The following TRPC4AP variants were observed in gnomAD, a reference collection of about 807,000 sequenced individuals.
The protein encoded by TRPC4AP is transient receptor potential cation channel subfamily C member 4 associated protein, also known as short transient receptor potential channel 4-associated protein.
Under a neutral mutation model 99.0 loss-of-function variants are expected in TRPC4AP, and 45 were observed. The observed-to-expected ratio is 0.45, with a 90% CI of 0.36 to 0.58. The LOEUF (loss-of-function observed/expected upper bound fraction) is 0.58. Among genes scored for constraint, TRPC4AP ranks in the 20% least tolerant of loss-of-function variants. TRPC4AP has a pLI of 0.00. For synonymous variants in TRPC4AP, 408 were observed against 385.8 expected, an observed-to-expected ratio of 1.06 and a Z score of -0.67; for missense variants, 879 against 985.3, an observed-to-expected ratio of 0.89 and a Z score of 1.44.
intron 12 of TRPC4AP, among the ~76,000 whole-genome samples, chr20:35,009,040 T>G (rs565817200): frequency 6.6e-6 from 1 of 152,270 alleles, no homozygotes; most frequent in African/African-American, 2.4e-5. Flanking sequence ...ACCAAAAGTG[T>G]GTTGAAACAG....
chr20:35,086,523 ATATGTGTGTGTGTGTGTGTGTG>A lies in TRPC4AP; in HGVS notation c.168+6069_168+6090del, dbSNP rs1162041189. 8.6e-3 allele frequency among the ~76,000 whole-genome samples: 851 copies of A among 99,104 alleles called. 66 individuals are homozygous for A. The highest frequency in any genetic ancestry group is 0.028 in the African/African-American group (688 of 24,876). The allele number at this position is 99,104 out of a possible 152,430, so 65.0% of individuals were successfully genotyped here. ...TGTATATATATGTGTGTGTGTGTAT[ATATGTGTGTGTGTGTGTGTGTG>A]TGTGTGTGTGTGTGTGTGTGTGTGT... is the stretch of plus-strand genomic sequence containing the variant. On this transcript the variant is annotated intron_variant, in intron 1 of 18. Transcript: ENST00000252015.
chr20:35,024,854 A>ACAT (rs1555904987), intron 8 of TRPC4AP, among the ~76,000 whole-genome samples: 8,860 of 89,550 alleles, frequency 0.099, 1,171 homozygotes, highest in South Asian at 0.13. Flanking sequence ...AAAAAAAAAA[A>ACAT]ATTCTGTTTA....
intron 9 of TRPC4AP, among the ~76,000 whole-genome samples, chr20:35,017,808 C>T (rs1052552719): frequency 6.6e-6 from 1 of 152,202 alleles, no homozygotes; most frequent in South Asian, 2.1e-4. Flanking sequence ...ATTTTTGCCA[C>T]TGAAAGTAAT....
In TRPC4AP at chr20:35,004,556, A is replaced by G; in HGVS notation, c.1951T>C (p.Ser651Pro). The change falls in exon 17 of 19, where the codon TCT becomes CCT. Residue 651 changes from serine (S) to proline (P), a missense_variant. Around this residue, in one of 3 missense-constraint regions of TRPC4AP, gnomAD observed 224 missense variants for 264.7 expected, o/e 0.85. Transcript: ENST00000252015. ...QVDMKVAEVLSECRLLAYISQ... is the reference protein window; with the variant it reads ...QVDMKVAEVLPECRLLAYISQ... ...ATGTAGGCGAGCAGGCGGCATTCAG[A>G]CAGTACCTCGGCAACTGTGGAGGGA... The G allele has an allele frequency of 6.2e-7, 1 of 1,613,890 alleles. No individual in the cohort carries two copies.
In TRPC4AP at chr20:35,006,552, G is replaced by C; in HGVS notation, c.1710C>G (p.Asp570Glu). The C allele has an allele frequency of 1.2e-6, 2 of 1,614,196 alleles. No homozygotes were observed. The highest frequency in any genetic ancestry group is 1.1e-5 in the South Asian group (1 of 91,080). Residue 570 changes from aspartate (D) to glutamate (E), a missense_variant, in exon 15 of 19, where the codon GAC (aspartate) becomes GAG (glutamate). Asp to Glu is a conservative substitution (Grantham distance 45). This residue lies in a region of TRPC4AP where 52 missense variants were observed against 88.7 expected (regional missense o/e 0.59). Coordinates refer to ENST00000252015, the MANE Select transcript of TRPC4AP (RefSeq NM_015638.3). Reference protein sequence around the residue: ...LLEHILYCIVDSECKSRDVLQ... With the variant: ...LLEHILYCIVESECKSRDVLQ... Reference sequence around the variant, plus strand: ...GCACATCCCTTGACTTACACTCGCTGTCCACAATGCAGTAAAGGATGTGCT... The same window carrying C: ...GCACATCCCTTGACTTACACTCGCTCTCCACAATGCAGTAAAGGATGTGCT...
intron 8 of TRPC4AP, among the ~76,000 whole-genome samples, chr20:35,028,612 G>T (rs2083088366): frequency 6.6e-6 from 1 of 152,134 alleles, no homozygotes; most frequent in Admixed American, 6.5e-5. Flanking sequence ...CCTGGAGAAT[G>T]TTCATGTGCA....
chr20:35,009,021 G>A (rs2082574370), intron 12 of TRPC4AP, among the ~76,000 whole-genome samples: 1 of 152,208 alleles, frequency 6.6e-6, no homozygotes, highest in African/African-American at 2.4e-5. Context: ...CCAGAGGAGA[G>A]CTGTTTATAC....
At chr20:35,091,555 G>A (rs2085067005) in intron 1 of TRPC4AP, among the ~76,000 whole-genome samples, 1 of 151,864 alleles carries the variant, frequency 6.6e-6, no homozygotes, top group African/African-American at 2.4e-5. Context: ...AGTTTCTTGA[G>A]TATCCTTCAA....
chr20:35,036,512 T>A (rs2083322130), intron 7 of TRPC4AP, among the ~76,000 whole-genome samples: 1 of 152,250 alleles, frequency 6.6e-6, no homozygotes, highest in African/African-American at 2.4e-5. Flanking sequence ...TAATTTTTGA[T>A]ACAGTGGCAG....
chr20:35,006,706 T>G (rs2082525661), intron 14 of TRPC4AP, 131 bp from the exon 15 acceptor site: 1 of 1,222,926 alleles, frequency 8.2e-7, no homozygotes, highest in Non-Finnish European at 1.1e-6. Context: ...TCTAGATTCT[T>G]GTCTGAGGAT....
chr20:35,025,747 TTG>T (rs2083014665), intron 8 of TRPC4AP, among the ~76,000 whole-genome samples: 1 of 152,190 alleles, frequency 6.6e-6, no homozygotes, highest in African/African-American at 2.4e-5. Context: ...ACTTTCCTCA[TTG>T]TGTTTTCTGA....
chr20:35,048,707 A>C (rs771533038), intron 6 of TRPC4AP, among the ~76,000 whole-genome samples: 27 of 152,288 alleles, frequency 1.8e-4, no homozygotes, highest in Non-Finnish European at 3.5e-4. Flanking sequence ...AAGGAATGAG[A>C]GGGAGTGAGA....
In TRPC4AP at chr20:35,003,038, G is replaced by A. The variant is rs2082426393; in HGVS notation, c.*108C>T. The A allele has an allele frequency of 6.7e-7, 1 of 1,487,096 alleles. No individual in the cohort carries two copies. The highest frequency in any genetic ancestry group is 9.1e-7 in the Non-Finnish European group (1 of 1,096,650). 92.1% of individuals were successfully genotyped at this position (1,487,096 alleles called of 1,614,324 possible). A position where few individuals can be genotyped will look rare whatever the true frequency, so the allele number is the denominator to read the frequency against. On this transcript the variant is annotated 3_prime_UTR_variant, in exon 19 of 19. Transcript: ENST00000252015. ...CCACCAAGCCTGTACCCAAAGACCT[G>A]GGGCAGGCAGAGAGCAGCAGGGAGG...
At chr20:35,063,629 CAGGA>C (rs1482715293) in intron 3 of TRPC4AP, among the ~76,000 whole-genome samples, 4 of 150,664 alleles carry the variant, frequency 2.7e-5, no homozygotes, top group African/African-American at 1.0e-4. Flanking sequence ...GAAGGTGAGG[CAGGA>C]AGATCATTTG....
intron 7 of TRPC4AP, among the ~76,000 whole-genome samples, chr20:35,038,821 C>T (rs1187949520): frequency 6.6e-6 from 1 of 152,140 alleles, no homozygotes; most frequent in Admixed American, 6.5e-5. Context: ...GCCTGTAATC[C>T]CAGCACTTTG....
chr20:35,003,691 C>T (rs943357641), intron 17 of TRPC4AP, 75 bp from the exon 18 acceptor site: 5 of 1,508,192 alleles, frequency 3.3e-6, no homozygotes, highest in Non-Finnish European at 4.5e-6. Flanking sequence ...GGGTAGCCAT[C>T]AGGCAGGGAG....
At chr20:35,086,533 G>GTATATATAGA (rs1308760481) in intron 1 of TRPC4AP, among the ~76,000 whole-genome samples, 1 of 73,474 alleles carries the variant, frequency 1.4e-5, no homozygotes, top group African/African-American at 7.5e-5. Context: ...ATATGTGTGT[G>GTATATATAGA]TGTGTGTGTG....
chr20:35,086,850 T>A (rs771967682), intron 1 of TRPC4AP, among the ~76,000 whole-genome samples: 34 of 150,628 alleles, frequency 2.3e-4, no homozygotes, highest in Admixed American at 4.6e-4. Flanking sequence ...CTAGCCAGCA[T>A]GGTGAAACCC....
intron 8 of TRPC4AP, among the ~76,000 whole-genome samples, 193 bp from the exon 9 acceptor site, chr20:35,021,549 G>A (rs142904423): frequency 6.6e-6 from 1 of 152,298 alleles, no homozygotes; most frequent in Non-Finnish European, 1.5e-5. Context: ...TCGGAAAAAT[G>A]GACTCTGCAA....
Sources: allele counts gnomAD v4.1 joint callset (sites outside exome capture counted in the v4.1 genomes callset), GRCh38; gene constraint gnomAD v4.1.1; regional missense constraint gnomAD v4.1.1; transcripts MANE v1.5; gene names NCBI Gene and HGNC (gene_info 2026-07-23, HGNC 2026-07-21).